IL6ST: variants seen among roughly 807,000 people sequenced by gnomAD.
The protein encoded by IL6ST is interleukin-6 receptor subunit beta.
Under a neutral mutation model 91.3 loss-of-function variants are expected in IL6ST, and 24 were observed. That is an observed-to-expected ratio of 0.26 (90% CI 0.19 to 0.37). The LOEUF is 0.37. IL6ST is among the 10% of genes least tolerant of loss of function. The probability of loss-of-function intolerance (pLI) is 1.00; values close to 1 mark genes in which losing one functional copy is unlikely to be tolerated. For missense variants in IL6ST, 914 were observed against 1,078.5 expected (o/e 0.85, Z 2.14); for synonymous variants, 351 against 373.6 (o/e 0.94, Z 0.70).
rs1181468328 is a variant in IL6ST at position 55,960,646 on chromosome 5, G to T, written c.814-85C>A. 9.5e-6 allele frequency: 12 copies of T among 1,267,314 alleles called. No individual in the cohort carries two copies. In the Admixed American group the frequency reaches 1.2e-4, roughly 12 times the overall value. The allele number at this position is 1,267,314 out of a possible 1,614,324, so 78.5% of individuals were successfully genotyped here. A position where few individuals can be genotyped will look rare whatever the true frequency, so the allele number is the denominator to read the frequency against. On this transcript the variant is annotated intron_variant, in intron 7 of 16. Coordinates refer to ENST00000381298, the MANE Select transcript of IL6ST (RefSeq NM_002184.4). ...TTAAAATTCAGAAACTTTTTTTTTTGAGGCACAGCCTTGCTCTGTTGCCCA... is the reference window on the plus strand; with the variant it reads ...TTAAAATTCAGAAACTTTTTTTTTTTAGGCACAGCCTTGCTCTGTTGCCCA...
At chr5:55,987,758 T>G (rs1754054498) in intron 1 of IL6ST, among the ~76,000 whole-genome samples, 1 of 152,224 alleles carries the variant, frequency 6.6e-6, no homozygotes, top group Non-Finnish European at 1.5e-5. Context: ...ATCATTTGGC[T>G]CATTGTAACT....
At chr5:55,947,966 G>C (rs886231728) in intron 14 of IL6ST, among the ~76,000 whole-genome samples, 2 of 152,102 alleles carry the variant, frequency 1.3e-5, no homozygotes, top group Admixed American at 1.3e-4. Context: ...TTCTAATACT[G>C]TATAACAGAG....
chr5:55,936,127 A>G lies in IL6ST; in HGVS notation c.*4955T>C. 1 of 228,100 alleles carries G rather than the reference A, an allele frequency of 4.4e-6. No homozygotes were observed. The highest frequency in any genetic ancestry group is 8.7e-6 in the Non-Finnish European group (1 of 114,940). 14.1% of individuals were successfully genotyped at this position (228,100 alleles called of 1,614,324 possible). A position where few individuals can be genotyped will look rare whatever the true frequency, so the allele number is the denominator to read the frequency against. ...CAATGTGAAGGCACATTAATAGTTG[A>G]GATTTTCTTTTCCTTCCAGGTGGAC... is the stretch of plus-strand genomic sequence containing the variant. On this transcript the variant is annotated 3_prime_UTR_variant, in exon 17 of 17. Coordinates refer to ENST00000381298, the MANE Select transcript of IL6ST (RefSeq NM_002184.4).
At chr5:55,949,054 T>A (rs892453850) in intron 14 of IL6ST, 19 of 152,064 alleles carry the variant, frequency 1.2e-4, no homozygotes, top group Admixed American at 1.0e-3. Context: ...AGGAAAAAAA[T>A]ATATACAAAG....
At chr5:55,951,902 T>C in intron 13 of IL6ST, 27 bp downstream of exon 13, 1 of 1,304,402 alleles carries the variant, frequency 7.7e-7, no homozygotes, top group South Asian at 1.3e-5. Context: ...AATAACTGAT[T>C]CTTAATAACT....
At chr5:55,970,255 C>T (rs1752885074) in intron 3 of IL6ST, among the ~76,000 whole-genome samples, 1 of 152,186 alleles carries the variant, frequency 6.6e-6, no homozygotes, top group Non-Finnish European at 1.5e-5. Context: ...GTCCTGAATG[C>T]TGTTGTGGAG....
At chr5:55,976,347 T>C (rs974971990) in intron 2 of IL6ST, 54 bp from the exon 3 acceptor site, 3 of 929,720 alleles carry the variant, frequency 3.2e-6, no homozygotes, top group Non-Finnish European at 4.9e-6. Context: ...TATATACACA[T>C]AATTTAAGAC....
Position 55,951,734 on chromosome 5 carries a change from CTGACA to C in IL6ST, c.1700-135_1700-131del. On this transcript the variant is annotated intron_variant, in intron 13 of 16. Transcript: ENST00000381298. ...GTTGGAAAACAACTTTTATAATGTT[CTGACA>C]TAATTTTATGTTCTAAAGCACAACA... 3.3e-6 allele frequency: 3 copies of C among 918,746 alleles called. No homozygotes were observed. In the South Asian group the frequency reaches 5.1e-5, roughly 16 times the overall value. The allele number at this position is 918,746 out of a possible 1,614,324, so 56.9% of individuals were successfully genotyped here. A position where few individuals can be genotyped will look rare whatever the true frequency, so the allele number is the denominator to read the frequency against.
intron 5 of IL6ST, 74 bp from the exon 6 acceptor site, chr5:55,964,386 A>T: frequency 1.9e-6 from 2 of 1,074,648 alleles, no homozygotes; most frequent in Admixed American, 2.2e-5. Context: ...AATTACTTGC[A>T]AAGAGTTTGA....
chr5:55,968,072 C>T (rs1752742633), intron 5 of IL6ST, among the ~76,000 whole-genome samples: 1 of 152,186 alleles, frequency 6.6e-6, no homozygotes, highest in South Asian at 2.1e-4. Context: ...GCTGGAGTTA[C>T]AGGCATGGGC....
intron 2 of IL6ST, 25 bp from the exon 3 acceptor site, chr5:55,976,318 CT>C: frequency 1.4e-6 from 2 of 1,385,690 alleles, no homozygotes; most frequent in Non-Finnish European, 2.0e-6. Context: ...TGTAATATTA[CT>C]TTTAATATTT....
chr5:55,994,313 G>A (rs1754514512), intron 1 of IL6ST: 1 of 152,086 alleles, frequency 6.6e-6, no homozygotes, highest in East Asian at 1.9e-4. Flanking sequence ...AACGTTAATA[G>A]TGTTTATAAG....
chr5:55,953,290 A>T (rs759594803), intron 11 of IL6ST, among the ~76,000 whole-genome samples: 144 of 152,252 alleles, frequency 9.5e-4, no homozygotes, highest in Non-Finnish European at 1.6e-3. Context: ...ATATTACCAA[A>T]AAATGAACAA....
At chr5:55,976,323 A>T in intron 2 of IL6ST, 30 bp from the exon 3 acceptor site, 1 of 1,338,526 alleles carries the variant, frequency 7.5e-7, no homozygotes, top group Non-Finnish European at 1.0e-6. Context: ...TATTACTTTT[A>T]ATATTTTTTC....
chr5:55,952,131 T>G (rs1263110649), intron 12 of IL6ST, 56 bp from the exon 13 acceptor site: 3 of 1,551,444 alleles, frequency 1.9e-6, no homozygotes, highest in Non-Finnish European at 2.6e-6. Flanking sequence ...CTAGTAAAAT[T>G]TCCTTGTCAT....
intron 3 of IL6ST, among the ~76,000 whole-genome samples, chr5:55,975,482 T>TTTCTTTATAAA (rs1753234275): frequency 6.6e-6 from 1 of 152,084 alleles, no homozygotes; most frequent in South Asian, 2.1e-4. Flanking sequence ...TCTTTATAAA[T>TTTCTTTATAAA]TACCCAGTCT....
intron 1 of IL6ST, among the ~76,000 whole-genome samples, chr5:55,992,151 T>C (rs1409062089): frequency 6.6e-6 from 1 of 152,246 alleles, no homozygotes; most frequent in South Asian, 2.1e-4. Context: ...TTGCTGTCAG[T>C]GTACTCTTAC....
chr5:55,988,361 T>C (rs1056170677), intron 1 of IL6ST, among the ~76,000 whole-genome samples: 1 of 152,180 alleles, frequency 6.6e-6, no homozygotes, highest in African/African-American at 2.4e-5. Flanking sequence ...GAGAATCACA[T>C]GACAAACTAT....
intron 16 of IL6ST, 135 bp from the exon 17 acceptor site, chr5:55,941,954 C>G: frequency 2.9e-6 from 2 of 697,094 alleles, no homozygotes; most frequent in Non-Finnish European, 4.9e-6. Flanking sequence ...GTCAACTACC[C>G]AAAATGCAGA....
Sources: allele counts gnomAD v4.1 joint callset (sites outside exome capture counted in the v4.1 genomes callset), GRCh38; gene constraint gnomAD v4.1.1; transcripts MANE v1.5; gene names NCBI Gene and HGNC (gene_info 2026-07-23, HGNC 2026-07-21).